The following COL6A6 variants were observed in gnomAD, a reference collection of about 807,000 sequenced individuals.
The protein encoded by COL6A6 is collagen alpha-6(VI) chain.
COL6A6 carries 183 observed loss-of-function variants against 208.6 expected under a neutral mutation model. The ratio of observed to expected loss-of-function variants is 0.88; its 90% CI spans 0.78 to 0.99. The LOEUF (loss-of-function observed/expected upper bound fraction) is 0.99, where lower values mean the gene tolerates loss of function less well. Ranked by LOEUF, COL6A6 falls within the 50% of genes least tolerant of loss-of-function variation. The pLI, the probability that COL6A6 is intolerant of heterozygous loss-of-function variation, is 0.00. For missense variants in COL6A6, 2,816 were observed against 2,815.2 expected (o/e 1.00, Z -0.01); for synonymous variants, 973 against 1,011.8 (o/e 0.96, Z 0.73).
At chr3:130,642,102 CAG>C (rs2065328091) in intron 29 of COL6A6, among the ~76,000 whole-genome samples, 1 of 152,024 alleles carries the variant, frequency 6.6e-6, no homozygotes, top group South Asian at 2.1e-4. Context: ...TTCAGGAGGT[CAG>C]GGGGGGCTCT....
At chr3:130,577,067 G>A (rs17690573) in intron 8 of COL6A6, among the ~76,000 whole-genome samples, 4,590 of 152,258 alleles carry the variant, frequency 0.03, 88 homozygotes, top group Non-Finnish European at 0.047. Flanking sequence ...GACGCATGGA[G>A]GTATGATGGA....
rs755097067 is a variant in COL6A6 at position 130,574,491 on chromosome 3, C to A, written c.3513C>A (p.Ile1171=). The A allele has an allele frequency of 3.1e-6, 5 of 1,613,836 alleles. No individual in the cohort carries two copies. The African/African-American group carries it at 5.3e-5, about 17-fold the overall frequency. Reference sequence around the variant, plus strand: ...AACTGAAGAAGGTCAATAAAAGGATCGTTCGCAACATCTGTACCACAGCGG... The same window carrying A: ...AACTGAAGAAGGTCAATAAAAGGATAGTTCGCAACATCTGTACCACAGCGG... ...FDELKKVNKR[I]VRNICTTAGE... Residue 1171 remains isoleucine (I), a synonymous_variant, in exon 8 of 37, where the codon ATC becomes ATA. Coordinates refer to ENST00000358511, the MANE Select transcript of COL6A6 (RefSeq NM_001102608.3).
chr3:130,569,310 G>T (rs749142322), intron 6 of COL6A6, among the ~76,000 whole-genome samples: 2 of 152,158 alleles, frequency 1.3e-5, no homozygotes, highest in Non-Finnish European at 2.9e-5. Context: ...CTTGAGCAAC[G>T]GTTGCTTCAA....
chr3:130,650,139 T>G (rs1234990239), intron 33 of COL6A6, among the ~76,000 whole-genome samples: 1 of 152,224 alleles, frequency 6.6e-6, no homozygotes, highest in Non-Finnish European at 1.5e-5. Context: ...GGGATTAAGA[T>G]GACTGATGAT....
chr3:130,564,434 A>G (rs1166275470), intron 3 of COL6A6, among the ~76,000 whole-genome samples: 1 of 152,260 alleles, frequency 6.6e-6, no homozygotes, highest in Non-Finnish European at 1.5e-5. Context: ...AATATGTTAT[A>G]TAGGAAACTC....
At chr3:130,650,411 A>G (rs1378691862) in intron 33 of COL6A6, among the ~76,000 whole-genome samples, 1 of 152,150 alleles carries the variant, frequency 6.6e-6, no homozygotes, top group Non-Finnish European at 1.5e-5. Context: ...TCACAAGGTC[A>G]GGAGATCGAG....
rs1452783440 is a variant in COL6A6, at chr3:130,660,431, C to G, written c.5831-1206C>G. ...TCTTACATCTCCTAGGATCAGCACTCTGGTTATTAATCTTTCATCTAAGTT... is the reference window on the plus strand; with the variant it reads ...TCTTACATCTCCTAGGATCAGCACTGTGGTTATTAATCTTTCATCTAAGTT... On this transcript the variant is annotated intron_variant, in intron 34 of 36. Coordinates refer to ENST00000358511, the MANE Select transcript of COL6A6 (RefSeq NM_001102608.3). Among the ~76,000 whole-genome samples, 4 of 152,332 alleles carry G rather than the reference C, an allele frequency of 2.6e-5. No individual in the cohort carries two copies. In the South Asian group the frequency reaches 8.3e-4, roughly 32 times the overall value.
chr3:130,639,351 A>G (rs1047445609), intron 28 of COL6A6, among the ~76,000 whole-genome samples: 9 of 151,996 alleles, frequency 5.9e-5, no homozygotes, highest in Non-Finnish European at 1.0e-4. Flanking sequence ...TATTACTCAG[A>G]TTTTTCAGGA....
At chr3:130,598,242 T>C in intron 18 of COL6A6, 123 bp from the exon 19 acceptor site, 1 of 628,342 alleles carries the variant, frequency 1.6e-6, no homozygotes, top group East Asian at 2.8e-5. Context: ...TTAACCTATT[T>C]CTGCTTTCAA....
Position 130,574,048 on chromosome 3 carries a change from G to A in COL6A6, c.3070G>A (p.Ala1024Thr). Residue 1024 changes from alanine to threonine, a missense_variant, in exon 8 of 37, where the codon GCA (alanine) becomes ACA (threonine). By Grantham distance (58) the Ala-to-Thr change is moderately conservative. Coordinates refer to ENST00000358511, the MANE Select transcript of COL6A6 (RefSeq NM_001102608.3). ...CTTCAAGAAAATGAAGGAATTTCTG[G>A]CATCTGTTGTTCAAGACTTTGATGT... is the stretch of plus-strand genomic sequence containing the variant. ...NDFKKMKEFL[A>T]SVVQDFDVSL... 1 of 1,613,818 alleles carries A rather than the reference G, an allele frequency of 6.2e-7. No homozygotes were observed. The highest frequency in any genetic ancestry group is 8.5e-7 in the Non-Finnish European group (1 of 1,179,790).
intron 1 of COL6A6, among the ~76,000 whole-genome samples, chr3:130,532,721 A>T (rs897124176): frequency 6.6e-6 from 1 of 152,222 alleles, no homozygotes; most frequent in Non-Finnish European, 1.5e-5. Context: ...GTAGTGGCCT[A>T]AAAACAATGT....
chr3:130,646,870 T>C (rs1459917328), intron 32 of COL6A6, among the ~76,000 whole-genome samples: 1 of 152,184 alleles, frequency 6.6e-6, no homozygotes, highest in African/African-American at 2.4e-5. Context: ...TTTTAAAATA[T>C]TACTTGGGCT....
intron 1 of COL6A6, among the ~76,000 whole-genome samples, chr3:130,548,096 C>T (rs1035079873): frequency 3.9e-5 from 6 of 152,242 alleles, no homozygotes; most frequent in African/African-American, 1.4e-4. Context: ...CCCGGCCAAT[C>T]CTAGTTGTTT....
intron 11 of COL6A6, among the ~76,000 whole-genome samples, chr3:130,587,823 T>C (rs763284326): frequency 6.6e-6 from 1 of 152,240 alleles, no homozygotes. Flanking sequence ...AAAGTTTTGT[T>C]GGAATTCCTT....
intron 33 of COL6A6, among the ~76,000 whole-genome samples, chr3:130,656,598 G>A (rs950860431): frequency 1.6e-4 from 24 of 152,192 alleles, no homozygotes; most frequent in African/African-American, 5.3e-4. Flanking sequence ...GGTCAGCCCA[G>A]CCCCCAGGCT....
intron 18 of COL6A6, among the ~76,000 whole-genome samples, chr3:130,595,505 C>G (rs183064275): frequency 6.6e-6 from 1 of 152,286 alleles, no homozygotes; most frequent in East Asian, 1.9e-4. Context: ...TAATCACTAT[C>G]CTGTCACTAT....
At chr3:130,668,219 A>G (rs556929443) in intron 36 of COL6A6, among the ~76,000 whole-genome samples, 126 of 151,924 alleles carry the variant, frequency 8.3e-4, no homozygotes, top group Non-Finnish European at 1.7e-3. Context: ...GCTCATGCCT[A>G]TAATCCCAGC....
At chr3:130,625,974 G>A (rs928931058) in intron 24 of COL6A6, among the ~76,000 whole-genome samples, 2 of 152,054 alleles carry the variant, frequency 1.3e-5, no homozygotes, top group Non-Finnish European at 2.9e-5. Context: ...ACTTTCCTCT[G>A]TAAACCTGTG....
intron 1 of COL6A6, among the ~76,000 whole-genome samples, chr3:130,543,156 G>A (rs905572453): frequency 9.2e-5 from 14 of 151,912 alleles, no homozygotes; most frequent in Admixed American, 4.6e-4. Flanking sequence ...TGCCCACCTC[G>A]GCCTCCCAAA....
Sources: gnomAD v4.1 joint callset for allele counts (sites outside exome capture counted in the v4.1 genomes callset) on GRCh38, gnomAD v4.1.1 for gene constraint, MANE v1.5 for transcripts, NCBI Gene and HGNC (gene_info 2026-07-23, HGNC 2026-07-21) for gene names.